PEMT: variants seen among roughly 807,000 people sequenced by gnomAD.
PEMT encodes the protein phospholipid methyltransferase.
In PEMT, 23 loss-of-function variants were observed where a neutral mutation model predicts 27.4. The ratio of observed to expected loss-of-function variants is 0.84; its 90% CI spans 0.60 to 1.19. PEMT has a LOEUF of 1.19. Ranked by LOEUF, PEMT falls within the 50% of genes most tolerant of loss-of-function variation. The pLI, the probability that PEMT is intolerant of heterozygous loss-of-function variation, is 0.00. For missense variants in PEMT, 307 were observed against 310.1 expected (o/e 0.99, Z 0.07); for synonymous variants, 137 against 139.1 (o/e 0.98, Z 0.11).
intron 2 of PEMT, among the ~76,000 whole-genome samples, chr17:17,553,277 G>A (rs928313226): frequency 3.3e-5 from 5 of 152,176 alleles, no homozygotes; most frequent in Non-Finnish European, 5.9e-5. Flanking sequence ...TGGGGAAGGC[G>A]TCCCACCTCA....
chr17:17,539,674 C>G (rs1443669428), intron 2 of PEMT, among the ~76,000 whole-genome samples: 1 of 152,216 alleles, frequency 6.6e-6, no homozygotes, highest in Non-Finnish European at 1.5e-5. Flanking sequence ...CAGCTAATCA[C>G]GATCATGGGG....
At chr17:17,558,649 C>T (rs1168621487) in intron 2 of PEMT, among the ~76,000 whole-genome samples, 1 of 148,866 alleles carries the variant, frequency 6.7e-6, no homozygotes, top group Non-Finnish European at 1.5e-5. Context: ...CGCTACTGCA[C>T]TCCTGCCCAG....
chr17:17,506,387 C>A lies in PEMT; in HGVS notation c.579-86G>T. 6 of 1,071,124 alleles carry A rather than the reference C, an allele frequency of 5.6e-6. No individual in the cohort carries two copies. In the South Asian group the frequency reaches 7.5e-5, roughly 13 times the overall value. 66.4% of individuals were successfully genotyped at this position (1,071,124 alleles called of 1,614,324 possible). A position where few individuals can be genotyped will look rare whatever the true frequency, so the allele number is the denominator to read the frequency against. On this transcript the variant is annotated intron_variant, in intron 5 of 6. Transcript: ENST00000255389. ...ACCTGCCCAGGCTGGCCCTTCCTGCCGTGACCCTGGCCCTCCGGCCGACGC... is the reference window on the plus strand; with the variant it reads ...ACCTGCCCAGGCTGGCCCTTCCTGCAGTGACCCTGGCCCTCCGGCCGACGC...
chr17:17,525,369 A>G (rs1016189955), intron 2 of PEMT, among the ~76,000 whole-genome samples: 6 of 152,222 alleles, frequency 3.9e-5, no homozygotes, highest in African/African-American at 1.2e-4. Flanking sequence ...TGTTATTCCG[A>G]GGCAATCGAT....
In PEMT at chr17:17,520,733, C is replaced by T. The variant is rs70963009; in HGVS notation, c.320+1547G>A. ...GGACCCACCCCTCTGAGGACCAAGACCGTGGGATAGCCACCCAGGCCTAGA... is the reference window on the plus strand; with the variant it reads ...GGACCCACCCCTCTGAGGACCAAGATCGTGGGATAGCCACCCAGGCCTAGA... On this transcript the variant is annotated intron_variant, in intron 3 of 6. Coordinates refer to ENST00000255389, the MANE Select transcript of PEMT (RefSeq NM_148172.3). Among the ~76,000 whole-genome samples the T allele has an allele frequency of 9.3e-3, 1,417 of 152,370 alleles. 4 individuals are homozygous for T. The highest frequency in any genetic ancestry group is 0.026 in the South Asian group (125 of 4,832).
rs905844411 is a variant in PEMT, at chr17:17,588,635, G to A, written c.96+2896C>T. Among the ~76,000 whole-genome samples, 127 of 152,172 alleles carry A rather than the reference G, an allele frequency of 8.3e-4. 1 individual carries two copies. The highest frequency in any genetic ancestry group is 1.9e-4 in the East Asian group (1 of 5,170). ...ACCCGCTCTGGTGAGCAGGTGATTCGCTATGGAAAAGGGACCTGAGACCTG... is the reference window on the plus strand; with the variant it reads ...ACCCGCTCTGGTGAGCAGGTGATTCACTATGGAAAAGGGACCTGAGACCTG... On this transcript the variant is annotated intron_variant, in intron 1 of 6. Transcript: ENST00000255389.
chr17:17,558,207 C>T (rs1488670792), intron 2 of PEMT, among the ~76,000 whole-genome samples: 1 of 152,130 alleles, frequency 6.6e-6, no homozygotes, highest in African/African-American at 2.4e-5. Context: ...CACACACACA[C>T]ACAAATTTAA....
chr17:17,564,166 C>T (rs9902188), intron 2 of PEMT, among the ~76,000 whole-genome samples: 3,799 of 152,256 alleles, frequency 0.025, 137 homozygotes, highest in East Asian at 0.1. Context: ...GATGCGGCAT[C>T]GAACACCAGG....
At chr17:17,510,911 A>G (rs1334270148) in intron 4 of PEMT, among the ~76,000 whole-genome samples, 1 of 152,134 alleles carries the variant, frequency 6.6e-6, no homozygotes, top group Admixed American at 6.5e-5. Flanking sequence ...CTGATTGCAC[A>G]GCCCGGAGTC....
chr17:17,542,187 G>T (rs1484858229), intron 2 of PEMT, among the ~76,000 whole-genome samples: 1 of 151,880 alleles, frequency 6.6e-6, no homozygotes, highest in Non-Finnish European at 1.5e-5. Flanking sequence ...CACCATGTTG[G>T]CCAGGCTGGT....
chr17:17,561,671 C>T lies in PEMT; in HGVS notation c.204+15249G>A, dbSNP rs1464629815. ...ACCAAGGCTCGGAGAAGCCAGGAAC[C>T]TTGCCCAGGTCCGTCTTGCTATCAA... On this transcript the variant is annotated intron_variant, in intron 2 of 6. Transcript: ENST00000255389. This position sits in a 1 kb window ranked among gnomAD's most constrained non-coding sequence, Gnocchi z 4.5. Among the ~76,000 whole-genome samples the T allele has an allele frequency of 1.3e-5, 2 of 152,192 alleles. No homozygotes were observed. Among genetic ancestry groups the T allele is most frequent in the Admixed American group, 6.5e-5 (1 of 15,282 alleles).
At chr17:17,507,364 G>T in intron 5 of PEMT, 1 of 650,346 alleles carries the variant, frequency 1.5e-6, no homozygotes, top group South Asian at 1.7e-5. Flanking sequence ...ACCATCACAA[G>T]AACCTCAGGC....
chr17:17,551,587 CT>C (rs1173624684), intron 2 of PEMT, among the ~76,000 whole-genome samples: 1 of 152,220 alleles, frequency 6.6e-6, no homozygotes, highest in Non-Finnish European at 1.5e-5. Flanking sequence ...TCCAACTGGC[CT>C]GTCACAGGAT....
intron 2 of PEMT, among the ~76,000 whole-genome samples, chr17:17,559,973 C>T (rs1365743164): frequency 6.6e-6 from 1 of 152,220 alleles, no homozygotes; most frequent in Non-Finnish European, 1.5e-5. Context: ...CTGAGGCCTA[C>T]CGGCTACTCT....
At chr17:17,550,627 C>CA (rs562801711) in intron 2 of PEMT, among the ~76,000 whole-genome samples, 152 of 152,328 alleles carry the variant, frequency 1.0e-3, no homozygotes, top group African/African-American at 3.6e-3. Flanking sequence ...TTGTAGACTT[C>CA]AACAGTTTTT....
intron 2 of PEMT, among the ~76,000 whole-genome samples, chr17:17,574,617 G>C (rs903947789): frequency 6.6e-6 from 1 of 152,038 alleles, no homozygotes; most frequent in Non-Finnish European, 1.5e-5. Flanking sequence ...CACCGCGCCC[G>C]GCCAAATCTT....
chr17:17,519,554 T>C (rs1367769421), intron 3 of PEMT, among the ~76,000 whole-genome samples: 1 of 152,046 alleles, frequency 6.6e-6, no homozygotes, highest in Non-Finnish European at 1.5e-5. Flanking sequence ...CGGCTGGAAC[T>C]GGGCTGTGGG....
At chr17:17,585,374 G>A (rs1159723697) in intron 1 of PEMT, among the ~76,000 whole-genome samples, 1 of 152,070 alleles carries the variant, frequency 6.6e-6, no homozygotes, top group Non-Finnish European at 1.5e-5. Context: ...AGTGAGGTGA[G>A]GTATGAAGCA....
intron 3 of PEMT, among the ~76,000 whole-genome samples, chr17:17,516,144 G>T (rs1906810532): frequency 6.6e-6 from 1 of 151,978 alleles, no homozygotes; most frequent in Non-Finnish European, 1.5e-5. Context: ...TCCATGTGTG[G>T]CCTGAGTGCC....
Sources: gnomAD v4.1 joint callset for allele counts (sites outside exome capture counted in the v4.1 genomes callset) on GRCh38, gnomAD v4.1.1 for gene constraint, Gnocchi (gnomAD v3.1) non-coding constraint, MANE v1.5 for transcripts, NCBI Gene and HGNC (gene_info 2026-07-23, HGNC 2026-07-21) for gene names.